Variants in NCR1 observed in about 807,000 individuals in gnomAD.
The protein encoded by NCR1 is natural cytotoxicity triggering receptor 1.
NCR1 carries 30 observed loss-of-function variants against 32.5 expected under a neutral mutation model. The ratio of observed to expected loss-of-function variants is 0.92; its 90% CI spans 0.69 to 1.25. The LOEUF (loss-of-function observed/expected upper bound fraction) is 1.25, where lower values mean the gene tolerates loss of function less well. Among genes scored for constraint, NCR1 ranks in the 50% most tolerant of loss-of-function variants. The pLI, the probability that NCR1 is intolerant of heterozygous loss-of-function variation, is 0.00. For synonymous variants in NCR1, 169 were observed against 143.4 expected, an observed-to-expected ratio of 1.18 and a Z score of -1.28; for missense variants, 369 against 380.7, an observed-to-expected ratio of 0.97 and a Z score of 0.26.
At chr19:54,901,534 T>C (rs2146001858), upstream of NCR1, among the ~76,000 whole-genome samples, 1 of 151,990 alleles carries the variant, frequency 6.6e-6, no homozygotes, top group South Asian at 2.1e-4. Flanking sequence ...TAGATCCAGA[T>C]GGCTCACACC....
the NCR1 span, chr19:54,927,480 T>G: frequency 1.2e-6 from 1 of 860,584 alleles, no homozygotes; most frequent in South Asian, 1.4e-5. Flanking sequence ...TGCTTGAACC[T>G]GAGAGGCAGA....
downstream of NCR1, among the ~76,000 whole-genome samples, chr19:54,914,179 C>CTTT (rs901003519): frequency 2.2e-5 from 2 of 92,624 alleles, no homozygotes; most frequent in African/African-American, 5.3e-5. Flanking sequence ...TTTTTTTTTT[C>CTTT]TTTTTTTTTG....
upstream of NCR1, among the ~76,000 whole-genome samples, chr19:54,902,648 A>G (rs140684681): frequency 7.9e-5 from 12 of 152,218 alleles, no homozygotes; most frequent in Middle Eastern, 3.4e-3. Context: ...ATATTCTTAT[A>G]TTTCTTTGGT....
At chr19:54,903,268 A>G (rs886475963), upstream of NCR1, among the ~76,000 whole-genome samples, 7 of 150,242 alleles carry the variant, frequency 4.7e-5, no homozygotes, top group Non-Finnish European at 8.9e-5. Flanking sequence ...CCTTACATGT[A>G]TATATATATG....
chr19:54,910,452 C>G (rs780906048), intron 5 of NCR1, among the ~76,000 whole-genome samples: 1 of 152,100 alleles, frequency 6.6e-6, no homozygotes, highest in Non-Finnish European at 1.5e-5. Context: ...CGCCTGTAAT[C>G]CCAGCTACTC....
chr19:54,924,994 C>A, the NCR1 span, among the ~76,000 whole-genome samples: 1 of 151,966 alleles, frequency 6.6e-6, no homozygotes, highest in African/African-American at 2.4e-5. Flanking sequence ...TAAGAGAATG[C>A]CAGAGTGAAC....
At chr19:54,934,967 G>C in the NCR1 span, among the ~76,000 whole-genome samples, 2 of 152,112 alleles carry the variant, frequency 1.3e-5, no homozygotes, top group African/African-American at 4.8e-5. This position sits in a 1 kb window ranked among gnomAD's most constrained non-coding sequence, Gnocchi z 6.7. Flanking sequence ...GAAGTACTGG[G>C]ATTACAGGTG....
chr19:54,898,964 C>T, the NCR1 span, among the ~76,000 whole-genome samples: 3 of 151,940 alleles, frequency 2.0e-5, no homozygotes, highest in African/African-American at 4.8e-5. Context: ...GGACCCAGCT[C>T]GGCCTGGCGA....
At chr19:54,898,265 G>T in the NCR1 span, among the ~76,000 whole-genome samples, 1 of 152,196 alleles carries the variant, frequency 6.6e-6, no homozygotes, top group Non-Finnish European at 1.5e-5. Context: ...GTGGGGTCCC[G>T]CACAGATGGG....
At chr19:54,924,568 G>A in the NCR1 span, among the ~76,000 whole-genome samples, 6 of 152,142 alleles carry the variant, frequency 3.9e-5, no homozygotes, top group Admixed American at 1.3e-4. Flanking sequence ...AGGTTGCAAC[G>A]AGCTAGAGAT....
chr19:54,901,462 T>C (rs995489382), upstream of NCR1, among the ~76,000 whole-genome samples: 1 of 151,574 alleles, frequency 6.6e-6, no homozygotes, highest in Non-Finnish European at 1.5e-5. Flanking sequence ...CAAACATGGC[T>C]TAGAGTCTGT....
At chr19:54,908,503 A>C (rs1195012397) in intron 3 of NCR1, among the ~76,000 whole-genome samples, 1 of 151,986 alleles carries the variant, frequency 6.6e-6, no homozygotes, top group Non-Finnish European at 1.5e-5. Flanking sequence ...GCTGTTGGGT[A>C]CACCTCCCAG....
At position 54,909,407 on chromosome 19, in the gene NCR1, C is replaced by T. The variant is rs759022000; in HGVS notation, c.518C>T (p.Ala173Val). 66 of 1,613,828 alleles carry T rather than the reference C, an allele frequency of 4.1e-5. No individual in the cohort carries two copies. The highest frequency in any genetic ancestry group is 5.3e-5 in the Non-Finnish European group (62 of 1,180,036). ...CAGCGCGGATACGGGAAGGTCCAGG[C>T]GGAGTTCCCCCTGGGCCCTGTGACC... is the stretch of plus-strand genomic sequence containing the variant. ...HVQRGYGKVQ[A>V]EFPLGPVTTA... Residue 173 changes from alanine (A) to valine (V), a missense_variant, in exon 4 of 7, where the codon GCG (alanine) becomes GTG (valine). By Grantham distance (64) the Ala-to-Val change is moderately conservative. Coordinates refer to ENST00000291890, the MANE Select transcript of NCR1 (RefSeq NM_004829.7).
At chr19:54,922,949 A>C in the NCR1 span, among the ~76,000 whole-genome samples, 6 of 151,344 alleles carry the variant, frequency 4.0e-5, no homozygotes, top group Non-Finnish European at 8.9e-5. Flanking sequence ...CAGAGAAACA[A>C]AGAGAGACAC....
At chr19:54,914,564 C>T (rs1193063350), downstream of NCR1, among the ~76,000 whole-genome samples, 1 of 151,912 alleles carries the variant, frequency 6.6e-6, no homozygotes, top group African/African-American at 2.4e-5. Flanking sequence ...GTCTTGAACT[C>T]CTGACCTCAG....
Position 54,906,160 on chromosome 19 carries a change from T to C in NCR1, c.-28T>C, listed in dbSNP as rs758968788. ...GCCCGCCCGGCTCAGTCCCCACTGC[T>C]CAGCACTAGGCCGGCAGAATCTGAG... is the stretch of plus-strand genomic sequence containing the variant. On this transcript the variant is annotated 5_prime_UTR_variant, in exon 1 of 7. Transcript: ENST00000291890. The C allele has an allele frequency of 6.2e-7, 1 of 1,614,090 alleles. No individual in the cohort carries two copies. Among genetic ancestry groups the C allele is most frequent in the Admixed American group, 1.7e-5 (1 of 60,010 alleles).
At chr19:54,934,939 C>T in the NCR1 span, among the ~76,000 whole-genome samples, 1 of 152,104 alleles carries the variant, frequency 6.6e-6, no homozygotes, top group Non-Finnish European at 1.5e-5. This position sits in a 1 kb window ranked among gnomAD's most constrained non-coding sequence, Gnocchi z 6.7. Context: ...TCAGGTGATC[C>T]ACCCACCTTG....
chr19:54,912,856 C>G lies in NCR1; in HGVS notation c.900C>G (p.Asn300Lys). 6.2e-7 allele frequency: 1 copy of G among 1,613,528 alleles called. No individual in the cohort carries two copies. ...CTTGGGAAGGCAGGAGAAGGCTGAACACACAGACTCTTTGAAGAATGACCA... is the reference window on the plus strand; with the variant it reads ...CTTGGGAAGGCAGGAGAAGGCTGAAGACACAGACTCTTTGAAGAATGACCA... The part of the protein sequence containing the change: ...ASTWEGRRRL[N>K]TQTL Residue 300 changes from asparagine to lysine, a missense_variant, in exon 7 of 7, where the codon AAC becomes AAG. Asn to Lys is a moderately conservative substitution (Grantham distance 94). Coordinates refer to ENST00000291890, the MANE Select transcript of NCR1 (RefSeq NM_004829.7).
At chr19:54,906,883 A>G (rs952622108) in intron 3 of NCR1, 76 bp downstream of exon 3, 17 of 1,527,456 alleles carry the variant, frequency 1.1e-5, no homozygotes, top group East Asian at 9.0e-5. Flanking sequence ...GAACTCTTCC[A>G]AGCCCCACTC....
Sources: allele counts gnomAD v4.1 joint callset (sites outside exome capture counted in the v4.1 genomes callset), GRCh38; gene constraint gnomAD v4.1.1; non-coding constraint Gnocchi (gnomAD v3.1); transcripts MANE v1.5; gene names NCBI Gene and HGNC (gene_info 2026-07-23, HGNC 2026-07-21).